MAF: variants seen among roughly 807,000 people sequenced by gnomAD.
The protein encoded by MAF is transcription factor Maf.
Under a neutral mutation model 22.0 loss-of-function variants are expected in MAF, and 10 were observed. That is an observed-to-expected ratio of 0.45 (90% CI 0.28 to 0.77). MAF has a LOEUF of 0.77. MAF is among the 30% of genes least tolerant of loss of function. The pLI is 0.12. For missense variants in MAF, 544 were observed against 548.4 expected (o/e 0.99, Z 0.08); for synonymous variants, 337 against 255.8 (o/e 1.32, Z -3.03).
chr16:79,420,494 G>A, the MAF span, among the ~76,000 whole-genome samples: 2 of 152,146 alleles, frequency 1.3e-5, no homozygotes, highest in Non-Finnish European at 2.9e-5. Context: ...TAGGTTCACA[G>A]CAAAATAGAA....
chr16:79,277,603 A>G, the MAF span, among the ~76,000 whole-genome samples: 1 of 152,192 alleles, frequency 6.6e-6, no homozygotes, highest in Non-Finnish European at 1.5e-5. Context: ...GAGGAGAAAA[A>G]GAGCCACCTA....
the MAF span, among the ~76,000 whole-genome samples, chr16:79,280,494 C>T: frequency 1.3e-5 from 2 of 152,236 alleles, no homozygotes; most frequent in Admixed American, 6.5e-5. Context: ...AACCTGTATG[C>T]ACAGGCCAGC....
the MAF span, among the ~76,000 whole-genome samples, chr16:79,230,862 T>G: frequency 4.6e-5 from 7 of 152,052 alleles, no homozygotes; most frequent in African/African-American, 1.7e-4. Context: ...GCGAATACAT[T>G]TTACTGACTC....
At chr16:79,478,646 C>T in the MAF span, among the ~76,000 whole-genome samples, 1 of 152,152 alleles carries the variant, frequency 6.6e-6, no homozygotes, top group Non-Finnish European at 1.5e-5. Context: ...TTCCAGTGTT[C>T]TCTCCTAGTG....
At chr16:79,290,635 G>C in the MAF span, among the ~76,000 whole-genome samples, 5 of 152,262 alleles carry the variant, frequency 3.3e-5, no homozygotes, top group African/African-American at 1.2e-4. Flanking sequence ...TTGGCTACAT[G>C]GAGCAGATCA....
the MAF span, among the ~76,000 whole-genome samples, chr16:79,249,418 CA>C: frequency 0.52 from 53,122 of 102,326 alleles, 11,803 homozygotes; most frequent in Non-Finnish European, 0.56. Flanking sequence ...AACTCCGTTT[CA>C]AAAAAAAAAA....
chr16:79,241,946 C>T, the MAF span, among the ~76,000 whole-genome samples: 7 of 152,082 alleles, frequency 4.6e-5, no homozygotes, highest in African/African-American at 1.4e-4. Flanking sequence ...CCAAACTAAG[C>T]TTCATAAGCA....
chr16:79,442,835 G>A, the MAF span, among the ~76,000 whole-genome samples: 21 of 152,296 alleles, frequency 1.4e-4, 1 homozygote, highest in Middle Eastern at 6.8e-3. Context: ...TTCTCCAAAG[G>A]GTAAACCACA....
chr16:79,534,634 G>A, the MAF span, among the ~76,000 whole-genome samples: 217 of 152,182 alleles, frequency 1.4e-3, no homozygotes, highest in African/African-American at 5.1e-3. Flanking sequence ...AATACCTAAT[G>A]TAAATAACGA....
the MAF span, among the ~76,000 whole-genome samples, chr16:79,556,357 C>T: frequency 6.6e-6 from 1 of 152,326 alleles, no homozygotes; most frequent in South Asian, 2.1e-4. Flanking sequence ...GCTCCCTCCT[C>T]AAGGCATACC....
the MAF span, among the ~76,000 whole-genome samples, chr16:79,530,067 A>C: frequency 6.6e-6 from 1 of 152,372 alleles, no homozygotes; most frequent in Admixed American, 6.5e-5. Flanking sequence ...AGACAGAACA[A>C]ATATAAGATC....
the MAF span, among the ~76,000 whole-genome samples, chr16:79,259,953 G>A: frequency 4.6e-5 from 7 of 152,140 alleles, no homozygotes; most frequent in Non-Finnish European, 1.0e-4. Context: ...AGGCTGTGAG[G>A]CCAGGTCAAG....
At chr16:79,473,743 C>CTTAAGT in the MAF span, among the ~76,000 whole-genome samples, 1 of 152,104 alleles carries the variant, frequency 6.6e-6, no homozygotes, top group Non-Finnish European at 1.5e-5. Flanking sequence ...AAGTACTTAA[C>CTTAAGT]CGTATCGCAA....
the MAF span, among the ~76,000 whole-genome samples, chr16:79,281,091 C>G: frequency 6.6e-6 from 1 of 151,716 alleles, no homozygotes; most frequent in Admixed American, 6.6e-5. Context: ...GAAGAAGAGA[C>G]GAAGACAAAT....
At chr16:79,238,968 G>A in the MAF span, among the ~76,000 whole-genome samples, 1 of 151,962 alleles carries the variant, frequency 6.6e-6, no homozygotes, top group African/African-American at 2.4e-5. Context: ...GGGAGACGCA[G>A]TCTCATCCTG....
At chr16:79,532,174 T>C in the MAF span, among the ~76,000 whole-genome samples, 1 of 152,242 alleles carries the variant, frequency 6.6e-6, no homozygotes, top group African/African-American at 2.4e-5. Flanking sequence ...TCTGGCAAAC[T>C]GACCCCAGTA....
At chr16:79,556,060 T>C in the MAF span, among the ~76,000 whole-genome samples, 1 of 152,180 alleles carries the variant, frequency 6.6e-6, no homozygotes, top group Admixed American at 6.5e-5. Context: ...TGATGATTTG[T>C]TTATAATATA....
At chr16:79,262,226 G>T in the MAF span, among the ~76,000 whole-genome samples, 6 of 152,158 alleles carry the variant, frequency 3.9e-5, no homozygotes. Flanking sequence ...GGGGGACTGA[G>T]CTCCTTAGTG....
chr16:79,219,445 G>T, the MAF span, among the ~76,000 whole-genome samples: 1 of 151,404 alleles, frequency 6.6e-6, no homozygotes, highest in Non-Finnish European at 1.5e-5. Flanking sequence ...CAGCTACTCC[G>T]GAGGCTGAGG....
Sources: allele counts gnomAD v4.1 joint callset (sites outside exome capture counted in the v4.1 genomes callset), GRCh38; gene constraint gnomAD v4.1.1; transcripts MANE v1.5; gene names NCBI Gene and HGNC (gene_info 2026-07-23, HGNC 2026-07-21).